Variants in LRRC4C observed in about 807,000 individuals in gnomAD.
LRRC4C encodes leucine rich repeat containing 4C.
In LRRC4C, 5 loss-of-function variants were observed where a neutral mutation model predicts 33.6. That is an observed-to-expected ratio of 0.15 (90% confidence interval 0.08 to 0.31). The LOEUF (loss-of-function observed/expected upper bound fraction) is 0.31, where lower values mean the gene tolerates loss of function less well. Ranked by LOEUF, LRRC4C falls within the 10% of genes least tolerant of loss-of-function variation. The pLI, the probability that LRRC4C is intolerant of heterozygous loss-of-function variation, is 1.00. For synonymous variants in LRRC4C, 329 were observed against 302.0 expected, an observed-to-expected ratio of 1.09 and a Z score of -0.93; for missense variants, 560 against 796.7, an observed-to-expected ratio of 0.70 and a Z score of 3.58.
At chr11:41,352,640 T>TA (rs1952021693) in intron 1 of LRRC4C, among the ~76,000 whole-genome samples, 1 of 151,792 alleles carries the variant, frequency 6.6e-6, no homozygotes, top group Non-Finnish European at 1.5e-5. Flanking sequence ...CTCAAAAAGT[T>TA]AAAAAAATAA....
chr11:40,409,775 G>A (rs1950089126), intron 3 of LRRC4C, among the ~76,000 whole-genome samples: 1 of 152,018 alleles, frequency 6.6e-6, no homozygotes, highest in African/African-American at 2.4e-5. Context: ...CTTGAACACT[G>A]TTGATGGGAA....
At chr11:41,411,641 C>T (rs1351162108) in intron 1 of LRRC4C, among the ~76,000 whole-genome samples, 1 of 152,152 alleles carries the variant, frequency 6.6e-6, no homozygotes, top group African/African-American at 2.4e-5. Context: ...CCTCAAATAA[C>T]ATTGTTTTTC....
chr11:40,814,757 C>A (rs1361015235), intron 2 of LRRC4C, among the ~76,000 whole-genome samples: 1 of 151,842 alleles, frequency 6.6e-6, no homozygotes, highest in Non-Finnish European at 1.5e-5. Context: ...ATCTCTAGGG[C>A]AGGGGCAAAA....
At chr11:40,426,012 ATTTTT>A (rs58586544) in intron 3 of LRRC4C, among the ~76,000 whole-genome samples, 5 of 128,666 alleles carry the variant, frequency 3.9e-5, no homozygotes, top group Admixed American at 7.9e-5. Flanking sequence ...AGTCAGTTGC[ATTTTT>A]TTTTTTTTTT....
At chr11:40,362,442 T>C (rs7102475) in intron 3 of LRRC4C, among the ~76,000 whole-genome samples, 76,185 of 151,974 alleles carry the variant, frequency 0.5, 19,548 homozygotes, top group East Asian at 0.8. Context: ...AATAATATTC[T>C]GGTGCAGTGG....
At chr11:40,186,247 A>G (rs1590650301) in intron 5 of LRRC4C, among the ~76,000 whole-genome samples, 1 of 152,278 alleles carries the variant, frequency 6.6e-6, no homozygotes, top group East Asian at 1.9e-4. Context: ...GGACTGACTT[A>G]CCCTGTATCA....
At chr11:40,595,254 A>G (rs924983322) in intron 3 of LRRC4C, among the ~76,000 whole-genome samples, 2 of 152,154 alleles carry the variant, frequency 1.3e-5, no homozygotes, top group African/African-American at 4.8e-5. Context: ...ATCTGCAAAA[A>G]AAAATCATGA....
chr11:40,884,162 A>G (rs901969496), intron 2 of LRRC4C, among the ~76,000 whole-genome samples: 1 of 151,764 alleles, frequency 6.6e-6, no homozygotes, highest in Non-Finnish European at 1.5e-5. Flanking sequence ...AGAACATACA[A>G]TTTTGGTTTT....
At chr11:40,878,987 T>A (rs1363392134) in intron 2 of LRRC4C, among the ~76,000 whole-genome samples, 1 of 152,172 alleles carries the variant, frequency 6.6e-6, no homozygotes, top group East Asian at 1.9e-4. Flanking sequence ...GAGTGTTGAT[T>A]CTTCTCAAAG....
chr11:40,543,894 C>A (rs1369150006), intron 3 of LRRC4C, among the ~76,000 whole-genome samples: 1 of 151,806 alleles, frequency 6.6e-6, no homozygotes, highest in African/African-American at 2.4e-5. Flanking sequence ...AAGATAAATT[C>A]CTGGAAACTT....
intron 1 of LRRC4C, among the ~76,000 whole-genome samples, chr11:41,356,494 A>G (rs1288081701): frequency 6.6e-6 from 1 of 152,096 alleles, no homozygotes; most frequent in Admixed American, 6.5e-5. Context: ...CTGCAGAATT[A>G]TGTCTCTGTT....
chr11:40,369,497 C>G (rs1040655830), intron 3 of LRRC4C, among the ~76,000 whole-genome samples: 1 of 152,122 alleles, frequency 6.6e-6, no homozygotes, highest in Non-Finnish European at 1.5e-5. Context: ...CACCACCATG[C>G]CCAGCTAATT....
chr11:41,144,074 A>AT, intron 1 of LRRC4C, among the ~76,000 whole-genome samples: 1 of 152,316 alleles, frequency 6.6e-6, no homozygotes, highest in African/African-American at 2.4e-5. Context: ...GGCCAGGGAC[A>AT]TTTTTGCTCT....
At chr11:41,339,380 T>C (rs1951557692) in intron 1 of LRRC4C, among the ~76,000 whole-genome samples, 1 of 152,214 alleles carries the variant, frequency 6.6e-6, no homozygotes, top group Non-Finnish European at 1.5e-5. Flanking sequence ...ATATATCAAC[T>C]ATATCCCTGA....
At chr11:40,484,924 TAGG>T (rs1302485910) in intron 3 of LRRC4C, among the ~76,000 whole-genome samples, 1 of 152,112 alleles carries the variant, frequency 6.6e-6, no homozygotes, top group African/African-American at 2.4e-5. Context: ...TAAATATTAT[TAGG>T]AGAACAGGTT....
At chr11:41,205,175 A>G (rs1256157044) in intron 1 of LRRC4C, among the ~76,000 whole-genome samples, 3 of 152,190 alleles carry the variant, frequency 2.0e-5, no homozygotes, top group African/African-American at 7.2e-5. Flanking sequence ...AGGAGTAGGG[A>G]TTAGGGATAA....
intron 3 of LRRC4C, among the ~76,000 whole-genome samples, chr11:40,640,804 G>A (rs1028418071): frequency 6.6e-6 from 1 of 152,020 alleles, no homozygotes; most frequent in Admixed American, 6.6e-5. Flanking sequence ...CACGAGGTCA[G>A]GAGATCGAGA....
At chr11:40,514,553 A>G (rs1955481943) in intron 3 of LRRC4C, among the ~76,000 whole-genome samples, 1 of 152,176 alleles carries the variant, frequency 6.6e-6, no homozygotes, top group East Asian at 1.9e-4. Flanking sequence ...GACTGGCTAT[A>G]TGGTTATTGC....
At chr11:41,245,700 C>A (rs1029323481) in intron 1 of LRRC4C, among the ~76,000 whole-genome samples, 2 of 152,052 alleles carry the variant, frequency 1.3e-5, no homozygotes, top group African/African-American at 4.8e-5. Context: ...GTGTTTTAGC[C>A]CTGCTTGTGT....
Sources: allele counts gnomAD v4.1 joint callset (sites outside exome capture counted in the v4.1 genomes callset), GRCh38; gene constraint gnomAD v4.1.1; transcripts MANE v1.5; gene names NCBI Gene and HGNC (gene_info 2026-07-23, HGNC 2026-07-21).